Variants in PRKD1 observed in about 807,000 individuals in gnomAD.
The protein encoded by PRKD1 is protein kinase D1.
In PRKD1, 63 loss-of-function variants were observed where a neutral mutation model predicts 95.9. The observed-to-expected ratio is 0.66, with a 90% confidence interval of 0.54 to 0.81. The LOEUF is 0.81. Among genes scored for constraint, PRKD1 ranks in the 30% least tolerant of loss-of-function variants. The probability of loss-of-function intolerance (pLI) is 0.00; values close to 1 mark genes in which losing one functional copy is unlikely to be tolerated. For synonymous variants in PRKD1, 425 were observed against 423.1 expected, an observed-to-expected ratio of 1.00 and a Z score of -0.05; for missense variants, 1,048 against 1,165.3, an observed-to-expected ratio of 0.90 and a Z score of 1.47.
At chr14:29,726,869 T>C (rs757739293) in intron 1 of PRKD1, among the ~76,000 whole-genome samples, 2 of 152,146 alleles carry the variant, frequency 1.3e-5, no homozygotes, top group Admixed American at 6.5e-5. Context: ...TAGTTCACTT[T>C]ATTTTTTTTA....
chr14:29,662,377 T>C (rs2139207451), intron 4 of PRKD1, among the ~76,000 whole-genome samples: 1 of 152,262 alleles, frequency 6.6e-6, no homozygotes, highest in East Asian at 1.9e-4. Flanking sequence ...GACTTTGACT[T>C]AAGCACTTAT....
chr14:29,848,869 A>AGTCAATAAAAT (rs1892187411), intron 1 of PRKD1, among the ~76,000 whole-genome samples: 1 of 152,218 alleles, frequency 6.6e-6, no homozygotes, highest in African/African-American at 2.4e-5. Context: ...AGGATCAGTG[A>AGTCAATAAAAT]AACCAAAGTT....
chr14:29,636,173 A>G, intron 7 of PRKD1, 117 bp downstream of exon 7: 3 of 1,255,338 alleles, frequency 2.4e-6, no homozygotes. Flanking sequence ...TCATTCATAT[A>G]AAAGTAAACG....
intron 13 of PRKD1, among the ~76,000 whole-genome samples, chr14:29,618,802 G>C (rs1297612553): frequency 6.6e-6 from 1 of 150,630 alleles, no homozygotes; most frequent in African/African-American, 2.4e-5. Context: ...AAGGAGAGCT[G>C]TACCTTTTCT....
At chr14:29,647,435 C>T (rs1052576654) in intron 4 of PRKD1, among the ~76,000 whole-genome samples, 8 of 152,124 alleles carry the variant, frequency 5.3e-5, no homozygotes, top group African/African-American at 1.7e-4. Context: ...TGCATGTCAA[C>T]AACTTCCATT....
intron 2 of PRKD1, among the ~76,000 whole-genome samples, chr14:29,672,341 AAAAAAAAAAT>A (rs986922640): frequency 7.0e-5 from 10 of 143,226 alleles, no homozygotes; most frequent in African/African-American, 2.9e-4. Flanking sequence ...ACTCTGTCTC[AAAAAAAAAAT>A]AAAATAAAAT....
At chr14:29,635,773 T>C (rs1437565344) in intron 7 of PRKD1, among the ~76,000 whole-genome samples, 1 of 152,158 alleles carries the variant, frequency 6.6e-6, no homozygotes, top group Non-Finnish European at 1.5e-5. Context: ...GGTGGCCACA[T>C]TGTGCTGACT....
At chr14:29,580,373 G>A (rs1691149803) in intron 16 of PRKD1, among the ~76,000 whole-genome samples, 1 of 152,124 alleles carries the variant, frequency 6.6e-6, no homozygotes, top group African/African-American at 2.4e-5. Flanking sequence ...ACCTGAGTAA[G>A]CACAACAAGG....
intron 1 of PRKD1, among the ~76,000 whole-genome samples, chr14:29,788,747 G>A (rs1014610261): frequency 2.6e-5 from 4 of 151,846 alleles, no homozygotes; most frequent in Non-Finnish European, 4.4e-5. Flanking sequence ...TTCACTTCCA[G>A]GATTTCTGTT....
intron 2 of PRKD1, among the ~76,000 whole-genome samples, chr14:29,699,359 T>A (rs200334153): frequency 6.6e-6 from 1 of 152,354 alleles, no homozygotes; most frequent in South Asian, 2.1e-4. Context: ...GACTGTCTGC[T>A]AGGTGAAAGA....
chr14:29,866,544 CAA>C (rs1892913834), intron 1 of PRKD1, among the ~76,000 whole-genome samples: 1 of 152,170 alleles, frequency 6.6e-6, no homozygotes, highest in South Asian at 2.1e-4. Flanking sequence ...ATCTGTGAGA[CAA>C]AGAATAAAAT....
intron 4 of PRKD1, among the ~76,000 whole-genome samples, chr14:29,651,876 C>T (rs942978070): frequency 6.6e-6 from 1 of 152,124 alleles, no homozygotes; most frequent in East Asian, 1.9e-4. Context: ...TTCCAACTAG[C>T]TGGGATTACA....
chr14:29,852,536 G>A (rs1892347447), intron 1 of PRKD1, among the ~76,000 whole-genome samples: 2 of 93,012 alleles, frequency 2.2e-5, no homozygotes, highest in Non-Finnish European at 3.9e-5. Context: ...CCAGAAGGAG[G>A]AGAGAGAGAG....
At chr14:29,677,936 GAGTT>G (rs908729495) in intron 2 of PRKD1, among the ~76,000 whole-genome samples, 15 of 152,234 alleles carry the variant, frequency 9.9e-5, no homozygotes, top group Middle Eastern at 6.8e-3. Flanking sequence ...CTGTTGATTT[GAGTT>G]AGTTATTCCT....
intron 1 of PRKD1, among the ~76,000 whole-genome samples, chr14:29,811,326 C>A (rs761079037): frequency 6.6e-6 from 1 of 152,140 alleles, no homozygotes; most frequent in African/African-American, 2.4e-5. Flanking sequence ...CACTGGCTAG[C>A]GGCTGAGTTC....
chr14:29,826,588 T>TG (rs1355787067), intron 1 of PRKD1, among the ~76,000 whole-genome samples: 9 of 125,722 alleles, frequency 7.2e-5, no homozygotes, highest in Admixed American at 3.5e-4. Context: ...ATATATATGA[T>TG]GAAAATATAT....
intron 1 of PRKD1, among the ~76,000 whole-genome samples, chr14:29,758,901 C>T (rs1594490512): frequency 6.6e-6 from 1 of 152,198 alleles, no homozygotes; most frequent in Non-Finnish European, 1.5e-5. Flanking sequence ...TTCCATACTG[C>T]AAATATATTT....
At chr14:29,795,007 A>T (rs998652221) in intron 1 of PRKD1, among the ~76,000 whole-genome samples, 1 of 152,068 alleles carries the variant, frequency 6.6e-6, no homozygotes, top group Non-Finnish European at 1.5e-5. Flanking sequence ...ACATTTCTAT[A>T]ATATTACTAA....
At chr14:29,699,673 T>C (rs796264770) in intron 2 of PRKD1, among the ~76,000 whole-genome samples, 4 of 152,292 alleles carry the variant, frequency 2.6e-5, no homozygotes, top group African/African-American at 9.6e-5. Context: ...GGCAATGATT[T>C]CCCTTAATAT....
Sources: gnomAD v4.1 joint callset for allele counts (sites outside exome capture counted in the v4.1 genomes callset) on GRCh38, gnomAD v4.1.1 for gene constraint, MANE v1.5 for transcripts, NCBI Gene and HGNC (gene_info 2026-07-23, HGNC 2026-07-21) for gene names.